OSMR: variants seen among roughly 807,000 people sequenced by gnomAD.
The protein encoded by OSMR is oncostatin-M-specific receptor subunit beta.
A neutral mutation model predicts 99.9 loss-of-function variants in OSMR; 81 were observed. The observed-to-expected ratio is 0.81, with a 90% CI of 0.68 to 0.97. The LOEUF is 0.97. Among genes scored for constraint, OSMR ranks in the 50% least tolerant of loss-of-function variants. The probability of loss-of-function intolerance (pLI) is 0.00; values close to 1 mark genes in which losing one functional copy is unlikely to be tolerated. For missense variants in OSMR, 1,099 were observed against 1,153.4 expected (o/e 0.95, Z 0.68); for synonymous variants, 406 against 410.4 (o/e 0.99, Z 0.13).
At chr5:38,892,308 G>A (rs1744214111) in intron 7 of OSMR, among the ~76,000 whole-genome samples, 1 of 151,844 alleles carries the variant, frequency 6.6e-6, no homozygotes, top group South Asian at 2.1e-4. Flanking sequence ...TATTCCCTTG[G>A]GCTCCCACCA....
chr5:38,888,411 TGG>T (rs1743940180), intron 7 of OSMR, among the ~76,000 whole-genome samples: 1 of 15,482 alleles, frequency 6.5e-5, no homozygotes, highest in East Asian at 1.6e-3. Context: ...CACTGAAGTT[TGG>T]GTGGGGTGGC....
At chr5:38,891,884 A>G (rs570504718) in intron 7 of OSMR, among the ~76,000 whole-genome samples, 1 of 152,212 alleles carries the variant, frequency 6.6e-6, no homozygotes, top group Admixed American at 6.5e-5. Context: ...CCTGAACACT[A>G]TGGCCAGTGT....
chr5:38,860,639 G>A (rs1232117618), intron 1 of OSMR, among the ~76,000 whole-genome samples: 1 of 151,982 alleles, frequency 6.6e-6, no homozygotes, highest in African/African-American at 2.4e-5. Context: ...TTTGAGAATT[G>A]GTGTTAGTTC....
At chr5:38,923,663 G>A (rs569837937) in intron 13 of OSMR, among the ~76,000 whole-genome samples, 5 of 152,028 alleles carry the variant, frequency 3.3e-5, no homozygotes, top group Non-Finnish European at 7.4e-5. Context: ...CCCTAGAAAT[G>A]TTACCACTGT....
chr5:38,866,663 G>T (rs1001441519), intron 1 of OSMR, among the ~76,000 whole-genome samples: 1 of 151,806 alleles, frequency 6.6e-6, no homozygotes, highest in African/African-American at 2.4e-5. Context: ...GTTGGCCCCA[G>T]CACAGGATGT....
chr5:38,903,312 A>G (rs1352847986), intron 7 of OSMR, among the ~76,000 whole-genome samples: 1 of 152,232 alleles, frequency 6.6e-6, no homozygotes, highest in Non-Finnish European at 1.5e-5. Flanking sequence ...ACAGAATCTT[A>G]TCTCTGAGTT....
chr5:38,899,829 G>C (rs1160212797), intron 7 of OSMR, among the ~76,000 whole-genome samples: 1 of 152,190 alleles, frequency 6.6e-6, no homozygotes, highest in Non-Finnish European at 1.5e-5. Flanking sequence ...TCCTCACGCA[G>C]AAGGAAAGGT....
At chr5:38,928,895 G>GTA (rs1484117821) in intron 15 of OSMR, among the ~76,000 whole-genome samples, 1 of 151,816 alleles carries the variant, frequency 6.6e-6, no homozygotes, top group Non-Finnish European at 1.5e-5. Flanking sequence ...AATTTACTTG[G>GTA]TATACACACA....
chr5:38,899,084 C>T (rs1191449452), intron 7 of OSMR, among the ~76,000 whole-genome samples: 3 of 151,676 alleles, frequency 2.0e-5, no homozygotes, highest in Admixed American at 2.0e-4. Flanking sequence ...CTCAGCCTCC[C>T]AAGTAGCAGG....
At chr5:38,852,427 A>G (rs1327875920) in intron 1 of OSMR, among the ~76,000 whole-genome samples, 3 of 152,192 alleles carry the variant, frequency 2.0e-5, no homozygotes, top group Non-Finnish European at 4.4e-5. Context: ...GTGAGTCACA[A>G]TGCTTATTTC....
chr5:38,914,443 C>T (rs1000220553), intron 9 of OSMR, among the ~76,000 whole-genome samples: 2 of 152,188 alleles, frequency 1.3e-5, no homozygotes, highest in African/African-American at 2.4e-5. Context: ...GTTCAACCTT[C>T]GTAAAAAGCA....
In OSMR at chr5:38,933,388, G is replaced by A. The variant is rs1041372833; in HGVS notation, c.2884G>A (p.Glu962Lys). ...GCGTCTTGCCTTGCCTCCCCCGACC[G>A]AGAATAGCAGCCTCTCCTCAATTAC... ...SLRLALPPPTENSSLSSITLL... is the reference protein window; with the variant it reads ...SLRLALPPPTKNSSLSSITLL... Residue 962 changes from glutamate to lysine, a missense_variant, in exon 18 of 18, where the codon GAG (glutamate) becomes AAG (lysine). Glu to Lys is a moderately conservative substitution (Grantham distance 56). Coordinates refer to ENST00000274276, the MANE Select transcript of OSMR (RefSeq NM_003999.3). 12 of 1,613,862 alleles carry A rather than the reference G, an allele frequency of 7.4e-6. No individual in the cohort carries two copies. The highest frequency in any genetic ancestry group is 6.7e-5 in the Admixed American group (4 of 59,978).
Position 38,894,980 on chromosome 5 carries a change from C to CAA in OSMR, c.991+8799_991+8800dup, listed in dbSNP as rs35347417. 1.4e-3 allele frequency among the ~76,000 whole-genome samples: 206 copies of CAA among 144,026 alleles called. 1 individual carries two copies. Among genetic ancestry groups the CAA allele is most frequent in the African/African-American group, 3.9e-3 (154 of 39,422 alleles). The allele number at this position is 144,026 out of a possible 152,430, so 94.5% of individuals were successfully genotyped here. On this transcript the variant is annotated intron_variant, in intron 7 of 17. Transcript: ENST00000274276. ...GCCATAAATCAAGTCTCAATAAAAG[C>CAA]AAAAAAAAAATAAAAACTTTTAGGT...
intron 2 of OSMR, among the ~76,000 whole-genome samples, chr5:38,875,473 G>A (rs559547624): frequency 2.0e-5 from 3 of 152,186 alleles, no homozygotes; most frequent in Admixed American, 1.3e-4. Flanking sequence ...ATAGGCTGCT[G>A]CTTCCCAAGG....
chr5:38,902,914 C>T (rs796192182), intron 7 of OSMR, among the ~76,000 whole-genome samples: 10 of 152,236 alleles, frequency 6.6e-5, no homozygotes, highest in South Asian at 2.1e-4. Flanking sequence ...TTCTTTCCTC[C>T]GCCACAATCC....
chr5:38,937,379 G>A (rs1747099125), downstream of OSMR, among the ~76,000 whole-genome samples: 1 of 152,120 alleles, frequency 6.6e-6, no homozygotes, highest in Non-Finnish European at 1.5e-5. The surrounding 1 kb of genome is among the most constrained non-coding windows in gnomAD (Gnocchi z 4.0). Context: ...GAAGACATTG[G>A]GAAAAAATGA....
chr5:38,925,208 T>C lies in OSMR; in HGVS notation c.2049T>C (p.Gly683=), dbSNP rs957254650. 6.2e-7 allele frequency: 1 copy of C among 1,613,944 alleles called. No homozygotes were observed. The highest frequency in any genetic ancestry group is 1.1e-5 in the South Asian group (1 of 91,070). ...AAACCATTTAAAAAATCACAGATGG[T>C]TCAGAATGTTGCAAATACAAAATTG... ...PRFEKAVLSD[G]SECCKYKIDN... is the part of the protein sequence containing the mutation. Residue 683 remains glycine, a synonymous_variant, in exon 15 of 18, where the codon GGT becomes GGC. Transcript: ENST00000274276.
intron 1 of OSMR, among the ~76,000 whole-genome samples, chr5:38,858,271 C>T (rs887176010): frequency 6.6e-6 from 1 of 151,932 alleles, no homozygotes; most frequent in African/African-American, 2.4e-5. Context: ...TAACCCTTTT[C>T]AGCCTCAGGT....
At chr5:38,944,973 T>C in exon 3 of OSMR, 1 of 1,613,970 alleles carries the variant, frequency 6.2e-7, no homozygotes, top group Non-Finnish European at 8.5e-7. Context: ...ACCCCATCAC[T>C]GCATCCAGAA....
Sources: gnomAD v4.1 joint callset for allele counts (sites outside exome capture counted in the v4.1 genomes callset) on GRCh38, gnomAD v4.1.1 for gene constraint, Gnocchi (gnomAD v3.1) non-coding constraint, MANE v1.5 for transcripts, NCBI Gene and HGNC (gene_info 2026-07-23, HGNC 2026-07-21) for gene names.